The following DCC variants were observed in gnomAD, a reference collection of about 807,000 sequenced individuals.
DCC encodes netrin receptor DCC.
Under a neutral mutation model 172.5 loss-of-function variants are expected in DCC, and 58 were observed. The ratio of observed to expected loss-of-function variants is 0.34; its 90% confidence interval spans 0.27 to 0.42. DCC has a LOEUF of 0.42. DCC is among the 10% of genes least tolerant of loss of function. DCC has a pLI of 1.00. For synonymous variants in DCC, 709 were observed against 644.5 expected (o/e 1.10, Z -1.52); for missense variants, 1,740 against 1,791.0 (o/e 0.97, Z 0.51).
At chr18:52,642,439 C>T (rs905919781) in intron 1 of DCC, among the ~76,000 whole-genome samples, 14 of 151,948 alleles carry the variant, frequency 9.2e-5, no homozygotes, top group African/African-American at 3.4e-4. Context: ...CTCATGTAAC[C>T]AAACACCACC....
intron 9 of DCC, among the ~76,000 whole-genome samples, chr18:53,200,013 C>T (rs2055511387): frequency 6.6e-6 from 1 of 152,152 alleles, no homozygotes; most frequent in Non-Finnish European, 1.5e-5. Context: ...TTTACACCAA[C>T]AAATCGAATG....
At chr18:52,365,948 G>C (rs553191053) in intron 1 of DCC, among the ~76,000 whole-genome samples, 67 of 152,234 alleles carry the variant, frequency 4.4e-4, no homozygotes, top group South Asian at 2.3e-3. Flanking sequence ...CCTGTACCAG[G>C]CTCTTACCGC....
intron 7 of DCC, 36 bp from the exon 8 acceptor site, chr18:53,157,320 C>T (rs371578421): frequency 1.0e-4 from 165 of 1,613,296 alleles, no homozygotes; most frequent in Non-Finnish European, 1.2e-4. Flanking sequence ...CCTATGGCAG[C>T]GACACCTCTG....
intron 17 of DCC, among the ~76,000 whole-genome samples, chr18:53,393,861 C>T (rs57074668): frequency 0.42 from 64,307 of 151,498 alleles, 15,434 homozygotes; most frequent in Non-Finnish European, 0.55. Flanking sequence ...TCCCTTCATC[C>T]TCCCTGACAG....
intron 1 of DCC, among the ~76,000 whole-genome samples, chr18:52,374,017 G>T (rs1476897314): frequency 6.6e-6 from 1 of 150,974 alleles, no homozygotes; most frequent in Non-Finnish European, 1.5e-5. Flanking sequence ...TCAGCCTCTG[G>T]AGTAGCTGGG....
intron 12 of DCC, among the ~76,000 whole-genome samples, chr18:53,265,049 A>G (rs991114718): frequency 6.6e-6 from 1 of 152,200 alleles, no homozygotes; most frequent in African/African-American, 2.4e-5. Flanking sequence ...TGTGAAAGCA[A>G]CCGTACACTT....
intron 24 of DCC, among the ~76,000 whole-genome samples, chr18:53,463,647 ATAG>A (rs1313395717): frequency 6.6e-6 from 1 of 152,162 alleles, no homozygotes; most frequent in Non-Finnish European, 1.5e-5. Context: ...TTCTTTTCAT[ATAG>A]TAAATGAAGT....
intron 1 of DCC, among the ~76,000 whole-genome samples, chr18:52,359,807 G>C (rs1056760361): frequency 3.9e-5 from 6 of 152,178 alleles, no homozygotes; most frequent in African/African-American, 1.2e-4. Flanking sequence ...TCAAACTGCT[G>C]TATGTTCCCA....
intron 1 of DCC, among the ~76,000 whole-genome samples, chr18:52,419,863 A>C (rs1987186807): frequency 6.6e-6 from 1 of 152,202 alleles, no homozygotes; most frequent in Admixed American, 6.6e-5. Context: ...ATAAGAACAT[A>C]TACATACCAT....
At chr18:52,763,968 C>A (rs895342021) in intron 2 of DCC, among the ~76,000 whole-genome samples, 3 of 152,076 alleles carry the variant, frequency 2.0e-5, no homozygotes, top group Admixed American at 6.5e-5. Flanking sequence ...CTATTTGTTT[C>A]TGAATTTTTG....
intron 1 of DCC, among the ~76,000 whole-genome samples, chr18:52,454,362 T>C (rs1988395398): frequency 6.6e-6 from 1 of 152,100 alleles, no homozygotes. Context: ...AGGATAACTT[T>C]TTTAAGTAGA....
chr18:52,405,348 T>C (rs1183944977), intron 1 of DCC, among the ~76,000 whole-genome samples: 30 of 141,330 alleles, frequency 2.1e-4, no homozygotes, highest in African/African-American at 7.1e-4. Context: ...TTTTAATGAT[T>C]GCCATTCTAA....
chr18:53,095,948 T>C (rs1388093882), intron 7 of DCC, among the ~76,000 whole-genome samples: 1 of 151,912 alleles, frequency 6.6e-6, no homozygotes, highest in Non-Finnish European at 1.5e-5. Context: ...AGAAATAATA[T>C]GGAAAAACAC....
intron 12 of DCC, among the ~76,000 whole-genome samples, chr18:53,221,509 C>T (rs757000989): frequency 2.6e-5 from 4 of 152,044 alleles, no homozygotes; most frequent in Non-Finnish European, 4.4e-5. Flanking sequence ...TCCATGAAGG[C>T]AAATTCTGGA....
At chr18:52,961,938 A>G (rs1221084283) in intron 5 of DCC, among the ~76,000 whole-genome samples, 2 of 152,208 alleles carry the variant, frequency 1.3e-5, no homozygotes, top group Non-Finnish European at 2.9e-5. Context: ...CCTTCCTTAC[A>G]GCTTATACAA....
intron 2 of DCC, among the ~76,000 whole-genome samples, chr18:52,858,572 G>C (rs948171969): frequency 7.9e-5 from 12 of 152,132 alleles, no homozygotes; most frequent in African/African-American, 2.9e-4. Context: ...GCATTGAAGG[G>C]TCTTCTGGGT....
intron 1 of DCC, among the ~76,000 whole-genome samples, chr18:52,691,807 A>T (rs1178681924): frequency 6.6e-6 from 1 of 152,088 alleles, no homozygotes; most frequent in Non-Finnish European, 1.5e-5. Flanking sequence ...TCCATTATTG[A>T]TCAACCTCAC....
At chr18:53,118,336 C>T (rs1165621265) in intron 7 of DCC, among the ~76,000 whole-genome samples, 1 of 151,758 alleles carries the variant, frequency 6.6e-6, no homozygotes, top group Admixed American at 6.6e-5. Context: ...AATAATACTG[C>T]ATCATAGTGT....
intron 1 of DCC, among the ~76,000 whole-genome samples, chr18:52,614,851 T>C (rs187468929): frequency 1.3e-5 from 2 of 152,232 alleles, no homozygotes; most frequent in African/African-American, 2.4e-5. Flanking sequence ...CATGAGACAT[T>C]TGAGAAAATA....
Sources: gnomAD v4.1 joint callset for allele counts (sites outside exome capture counted in the v4.1 genomes callset) on GRCh38, gnomAD v4.1.1 for gene constraint, MANE v1.5 for transcripts, NCBI Gene and HGNC (gene_info 2026-07-23, HGNC 2026-07-21) for gene names.